Variants in TSPAN12 observed in about 807,000 individuals in gnomAD.
The protein encoded by TSPAN12 is tetraspanin 12.
TSPAN12 carries 19 observed loss-of-function variants against 39.2 expected under a neutral mutation model. That is an observed-to-expected ratio of 0.49 (90% CI 0.34 to 0.71). TSPAN12 has a LOEUF of 0.71. Ranked by LOEUF, TSPAN12 falls within the 30% of genes least tolerant of loss-of-function variation. The pLI, the probability that TSPAN12 is intolerant of heterozygous loss-of-function variation, is 0.01. For missense variants in TSPAN12, 314 were observed against 359.9 expected (o/e 0.87, Z 1.03); for synonymous variants, 119 against 124.8 (o/e 0.95, Z 0.31).
intron 6 of TSPAN12, among the ~76,000 whole-genome samples, chr7:120,809,789 C>T (rs1793942605): frequency 6.6e-6 from 1 of 152,128 alleles, no homozygotes; most frequent in African/African-American, 2.4e-5. Flanking sequence ...GGGTGCAGTG[C>T]TACATGGCGG....
At chr7:120,834,620 GCTCT>G (rs1215018342) in intron 4 of TSPAN12, among the ~76,000 whole-genome samples, 1 of 152,092 alleles carries the variant, frequency 6.6e-6, no homozygotes, top group Non-Finnish European at 1.5e-5. Context: ...AGATATGGCA[GCTCT>G]CTGAGATACC....
intron 4 of TSPAN12, among the ~76,000 whole-genome samples, chr7:120,820,254 C>T (rs1303551643): frequency 6.6e-6 from 1 of 152,084 alleles, no homozygotes; most frequent in African/African-American, 2.4e-5. Context: ...TATTGTGTGA[C>T]CTTTAGCAAA....
intron 2 of TSPAN12, among the ~76,000 whole-genome samples, chr7:120,852,424 C>T (rs529025031): frequency 6.6e-6 from 1 of 152,258 alleles, no homozygotes; most frequent in South Asian, 2.1e-4. Context: ...GGTTCATATG[C>T]CACACTGGTT....
At chr7:120,828,712 G>C (rs995016520) in intron 4 of TSPAN12, among the ~76,000 whole-genome samples, 1 of 142,512 alleles carries the variant, frequency 7.0e-6, no homozygotes. Context: ...GAGAACTTTC[G>C]GAATGAAAGT....
At chr7:120,815,483 C>T (rs564581316) in intron 5 of TSPAN12, among the ~76,000 whole-genome samples, 2 of 152,152 alleles carry the variant, frequency 1.3e-5, no homozygotes, top group South Asian at 2.1e-4. Context: ...GGGGCTCTTC[C>T]CCCTTCGATC....
In TSPAN12 at chr7:120,834,652, T is replaced by C. The variant is rs144993973; in HGVS notation, c.285+4125A>G. Among the ~76,000 whole-genome samples, 5 of 152,278 alleles carry C rather than the reference T, an allele frequency of 3.3e-5. No individual in the cohort carries two copies. The East Asian group carries it at 7.7e-4, about 23-fold the overall frequency. ...GAGATACCAATTGTCTTTTGAAAAA[T>C]AGCTTTCTCACACTAATCTGTTTTA... On this transcript the variant is annotated intron_variant, in intron 4 of 7. Transcript: ENST00000222747.
intron 4 of TSPAN12, among the ~76,000 whole-genome samples, chr7:120,827,859 C>T (rs1794319063): frequency 6.6e-6 from 1 of 152,314 alleles, no homozygotes; most frequent in East Asian, 1.9e-4. Context: ...GCTGAAAAAT[C>T]GCTGCAGCGT....
chr7:120,821,374 T>C (rs1275075391), intron 4 of TSPAN12, among the ~76,000 whole-genome samples: 1 of 151,980 alleles, frequency 6.6e-6, no homozygotes, highest in Non-Finnish European at 1.5e-5. Flanking sequence ...TGCCTTCATA[T>C]TTTAGGTAAT....
At chr7:120,854,361 G>T (rs902882978) in intron 2 of TSPAN12, among the ~76,000 whole-genome samples, 10 of 152,098 alleles carry the variant, frequency 6.6e-5, no homozygotes, top group Admixed American at 1.3e-4. Flanking sequence ...CCACCTCCTG[G>T]TAATCTGCTA....
intron 2 of TSPAN12, among the ~76,000 whole-genome samples, chr7:120,849,309 CT>C (rs1252151372): frequency 6.6e-6 from 1 of 152,202 alleles, no homozygotes; most frequent in Non-Finnish European, 1.5e-5. Flanking sequence ...ACATGGTCTG[CT>C]TTTGCTTGCA....
chr7:120,808,670 C>T lies in TSPAN12; in HGVS notation c.468+1793G>A, dbSNP rs79443529. ...TTTTTTAAAGTTAGTATTCTAAAAA[C>T]GTATTAAACAAACGTCACTGGGGCT... On this transcript the variant is annotated intron_variant, in intron 6 of 7. Transcript: ENST00000222747. Among the ~76,000 whole-genome samples the T allele has an allele frequency of 9.2e-3, 1,401 of 152,118 alleles. 25 individuals are homozygous for T. The highest frequency in any genetic ancestry group is 0.032 in the African/African-American group (1,321 of 41,494).
At chr7:120,847,490 C>G (rs941375964) in intron 2 of TSPAN12, among the ~76,000 whole-genome samples, 1 of 152,196 alleles carries the variant, frequency 6.6e-6, no homozygotes, top group African/African-American at 2.4e-5. Context: ...ACTAAACTTA[C>G]CTCCATTCCT....
intron 1 of TSPAN12, 88 bp downstream of exon 1, chr7:120,857,731 TA>T (rs1274466373): frequency 1.3e-5 from 2 of 151,784 alleles, no homozygotes; most frequent in Non-Finnish European, 2.9e-5. Context: ...AGCCAGCCCT[TA>T]AGTAGTTTAG....
Position 120,826,548 on chromosome 7 carries a change from T to C in TSPAN12, c.286-10745A>G, listed in dbSNP as rs77294945. ...CAGGGGTCCCCATTACCAAAACCCATACATGAACATGCAAACAGGAAGGAG... is the reference window on the plus strand; with the variant it reads ...CAGGGGTCCCCATTACCAAAACCCACACATGAACATGCAAACAGGAAGGAG... On this transcript the variant is annotated intron_variant, in intron 4 of 7. Coordinates refer to ENST00000222747, the MANE Select transcript of TSPAN12 (RefSeq NM_012338.4). Among the ~76,000 whole-genome samples, 66 of 152,210 alleles carry C rather than the reference T, an allele frequency of 4.3e-4. 1 individual carries two copies. In the East Asian group the frequency reaches 0.01, roughly 24 times the overall value.
At chr7:120,791,189 C>T (rs538433387) in intron 7 of TSPAN12, among the ~76,000 whole-genome samples, 1 of 151,966 alleles carries the variant, frequency 6.6e-6, no homozygotes, top group African/African-American at 2.4e-5. Context: ...ATTAGCTGGG[C>T]ATGGTGGTGC....
rs749548116 is a variant in TSPAN12, at chr7:120,810,352, A to C, written c.468+111T>G. The C allele has an allele frequency of 5.3e-6, 4 of 747,908 alleles. No individual in the cohort carries two copies. The African/African-American group carries it at 6.9e-5, about 13-fold the overall frequency. 46.3% of individuals were successfully genotyped at this position (747,908 alleles called of 1,614,324 possible). ...ATTGCACCAGAGGTTACTGAATCAC[A>C]GGCTTAATTTTTCAGCACAGAGGAA... is the stretch of plus-strand genomic sequence containing the variant. On this transcript the variant is annotated intron_variant, in intron 6 of 7. Coordinates refer to ENST00000222747, the MANE Select transcript of TSPAN12 (RefSeq NM_012338.4).
At chr7:120,839,147 C>T (rs1255104701) in intron 3 of TSPAN12, among the ~76,000 whole-genome samples, 1 of 152,036 alleles carries the variant, frequency 6.6e-6, no homozygotes, top group Non-Finnish European at 1.5e-5. Context: ...TGGTAGCTTT[C>T]CTACCCCAAC....
At chr7:120,791,700 A>G (rs1409988496) in intron 7 of TSPAN12, among the ~76,000 whole-genome samples, 5 of 152,204 alleles carry the variant, frequency 3.3e-5, no homozygotes, top group Non-Finnish European at 7.3e-5. Flanking sequence ...ACAGTTTATC[A>G]TGTTTCATAT....
intron 5 of TSPAN12, among the ~76,000 whole-genome samples, chr7:120,815,378 C>T (rs544616413): frequency 2.8e-4 from 43 of 152,226 alleles, no homozygotes; most frequent in Non-Finnish European, 5.0e-4. Flanking sequence ...TATCAAGGGA[C>T]AGACTAGGTG....
Sources: gnomAD v4.1 joint callset for allele counts (sites outside exome capture counted in the v4.1 genomes callset) on GRCh38, gnomAD v4.1.1 for gene constraint, MANE v1.5 for transcripts, NCBI Gene and HGNC (gene_info 2026-07-23, HGNC 2026-07-21) for gene names.